Variants in HNMT observed in about 807,000 individuals in gnomAD.
The protein encoded by HNMT is histamine N-methyltransferase.
Under a neutral mutation model 32.1 loss-of-function variants are expected in HNMT, and 30 were observed. That is an observed-to-expected ratio of 0.93 (90% confidence interval 0.70 to 1.27). The LOEUF is 1.27. Among genes scored for constraint, HNMT ranks in the 50% most tolerant of loss-of-function variants. The pLI, the probability that HNMT is intolerant of heterozygous loss-of-function variation, is 0.00. For synonymous variants in HNMT, 125 were observed against 119.0 expected (o/e 1.05, Z -0.33); for missense variants, 327 against 346.0 (o/e 0.95, Z 0.43).
chr2:138,008,633 C>T (rs1681402154), intron 5 of HNMT, among the ~76,000 whole-genome samples: 1 of 151,970 alleles, frequency 6.6e-6, no homozygotes, highest in Admixed American at 6.6e-5. Flanking sequence ...ACACCTACGA[C>T]CATCTGATCT....
chr2:137,994,444 T>C (rs1307295651), intron 2 of HNMT, among the ~76,000 whole-genome samples: 1 of 152,046 alleles, frequency 6.6e-6, no homozygotes, highest in East Asian at 1.9e-4. Context: ...TTACATAAGG[T>C]AAAGGGAACA....
At chr2:137,979,870 GA>G (rs1006512311) in intron 2 of HNMT, among the ~76,000 whole-genome samples, 4 of 151,844 alleles carry the variant, frequency 2.6e-5, no homozygotes, top group African/African-American at 7.2e-5. Flanking sequence ...GCCAGAGAGA[GA>G]AAAAAACAAA....
chr2:137,992,501 G>A (rs1394012845), intron 2 of HNMT, among the ~76,000 whole-genome samples: 5 of 152,136 alleles, frequency 3.3e-5, no homozygotes, highest in African/African-American at 1.2e-4. Flanking sequence ...CTCATTGGGT[G>A]AGGCTTCCCC....
intron 2 of HNMT, among the ~76,000 whole-genome samples, chr2:137,983,949 G>A (rs1369420242): frequency 6.6e-6 from 1 of 152,172 alleles, no homozygotes; most frequent in African/African-American, 2.4e-5. Context: ...AGAGGCAGAT[G>A]TCGAGGTGAC....
At chr2:138,003,089 TGGGGGGA>T (rs1681229346) in intron 4 of HNMT, among the ~76,000 whole-genome samples, 1 of 51,140 alleles carries the variant, frequency 2.0e-5, no homozygotes, top group Non-Finnish European at 3.4e-5. Context: ...TGTTGTGGGG[TGGGGGGA>T]GGGGGGAGGG....
At chr2:137,981,427 C>G (rs1553489554) in intron 2 of HNMT, 2 of 1,474,974 alleles carry the variant, frequency 1.4e-6, no homozygotes, top group Non-Finnish European at 1.9e-6. Flanking sequence ...TTCCATGAAG[C>G]CTACTAGATC....
At chr2:137,993,707 C>T (rs1402722356) in intron 2 of HNMT, among the ~76,000 whole-genome samples, 1 of 152,050 alleles carries the variant, frequency 6.6e-6, no homozygotes, top group African/African-American at 2.4e-5. Flanking sequence ...AGAAATTCAA[C>T]CCCAAGACAC....
At chr2:137,977,465 G>T (rs1680320719) in intron 2 of HNMT, among the ~76,000 whole-genome samples, 1 of 152,076 alleles carries the variant, frequency 6.6e-6, no homozygotes, top group African/African-American at 2.4e-5. Context: ...GCCTGAAGGG[G>T]ATTGGGGGGG....
intron 4 of HNMT, 53 bp from the exon 5 acceptor site, chr2:138,005,079 A>G (rs1038794918): frequency 2.0e-6 from 2 of 991,562 alleles, no homozygotes; most frequent in African/African-American, 1.6e-5. Flanking sequence ...AGCCCAAGCA[A>G]TAAAGACTTC....
chr2:138,002,789 G>C (rs1681214506), intron 4 of HNMT: 3 of 973,606 alleles, frequency 3.1e-6, no homozygotes, highest in Admixed American at 6.2e-5. Flanking sequence ...ATAGAGATTT[G>C]AGAATGATAG....
intron 2 of HNMT, among the ~76,000 whole-genome samples, chr2:137,999,439 C>T (rs1681094031): frequency 6.6e-6 from 1 of 152,128 alleles, no homozygotes; most frequent in African/African-American, 2.4e-5. Flanking sequence ...ACGCCATCTC[C>T]TATTGTCAGT....
chr2:138,000,577 A>G (rs962461730), intron 2 of HNMT, among the ~76,000 whole-genome samples: 4 of 152,058 alleles, frequency 2.6e-5, no homozygotes, highest in African/African-American at 9.7e-5. Context: ...TAAAAATCTT[A>G]AAATTTTAAT....
At position 138,000,994 on chromosome 2, in the gene HNMT, G is replaced by T; in HGVS notation, c.267G>T (p.Glu89Asp). 1.9e-6 allele frequency: 3 copies of T among 1,607,418 alleles called. No individual in the cohort carries two copies. Among genetic ancestry groups the T allele is most frequent in the Non-Finnish European group, 2.6e-6 (3 of 1,176,380 alleles). ...TTTGTATCAACAATGAAGTTGTTGAGCCAAGTGCTGAACAAATTGCCAAAT... is the reference window on the plus strand; with the variant it reads ...TTTGTATCAACAATGAAGTTGTTGATCCAAGTGCTGAACAAATTGCCAAAT... ...PGVCINNEVV[E>D]PSAEQIAKYK... Residue 89 changes from glutamate (E) to aspartate (D), a missense_variant, in exon 3 of 6, where the codon GAG becomes GAT. Glu to Asp is a conservative substitution (Grantham distance 45). Coordinates refer to ENST00000280097, the MANE Select transcript of HNMT (RefSeq NM_006895.3).
chr2:137,981,884 TTC>T (rs1485624048), intron 2 of HNMT, among the ~76,000 whole-genome samples: 2 of 152,068 alleles, frequency 1.3e-5, no homozygotes, highest in Non-Finnish European at 2.9e-5. Context: ...AACAGAGTCT[TTC>T]TCTGTCACCC....
At position 138,015,675 on chromosome 2, in the gene HNMT, T is replaced by C. The variant is rs1370535751; in HGVS notation, c.*1545T>C. On this transcript the variant is annotated 3_prime_UTR_variant, in exon 6 of 6. Coordinates refer to ENST00000280097, the MANE Select transcript of HNMT (RefSeq NM_006895.3). The stretch of plus-strand genomic sequence containing the variant: ...CACTGAACCGTTAATCATACTGATA[T>C]GTACTACTGACAAAGGAAATCTGTG... The C allele has an allele frequency of 6.6e-6, 1 of 152,186 alleles. No homozygotes were observed. The highest frequency in any genetic ancestry group is 1.5e-5 in the Non-Finnish European group (1 of 68,024). 9.4% of individuals were successfully genotyped at this position (152,186 alleles called of 1,614,324 possible).
chr2:137,993,371 G>A (rs1009210605), intron 2 of HNMT, among the ~76,000 whole-genome samples: 5 of 152,064 alleles, frequency 3.3e-5, no homozygotes, highest in African/African-American at 1.2e-4. Flanking sequence ...CAACATGTTG[G>A]AGCTGAAAAA....
chr2:137,974,290 G>A (rs1408363807), intron 2 of HNMT, among the ~76,000 whole-genome samples: 1 of 152,166 alleles, frequency 6.6e-6, no homozygotes, highest in African/African-American at 2.4e-5. Context: ...AAGTATTCAT[G>A]TTGTTAATTT....
At chr2:137,970,774 G>A (rs1370979682) in intron 2 of HNMT, among the ~76,000 whole-genome samples, 2 of 151,938 alleles carry the variant, frequency 1.3e-5, no homozygotes, top group African/African-American at 4.8e-5. Flanking sequence ...CAAAAAATTA[G>A]CCAAGCGTGG....
intron 5 of HNMT, among the ~76,000 whole-genome samples, chr2:138,005,500 A>T (rs1681305525): frequency 6.6e-6 from 1 of 152,088 alleles, no homozygotes; most frequent in Admixed American, 6.6e-5. Context: ...TATAGCTTAA[A>T]TTCAACTGAC....
Sources: gnomAD v4.1 joint callset for allele counts (sites outside exome capture counted in the v4.1 genomes callset) on GRCh38, gnomAD v4.1.1 for gene constraint, MANE v1.5 for transcripts, NCBI Gene and HGNC (gene_info 2026-07-23, HGNC 2026-07-21) for gene names.